MACROD2: variants seen among roughly 807,000 people sequenced by gnomAD.
The protein encoded by MACROD2 is mono-ADP ribosylhydrolase 2, also known as ADP-ribose glycohydrolase MACROD2.
MACROD2 carries 36 observed loss-of-function variants against 70.4 expected under a neutral mutation model. The observed-to-expected ratio is 0.51, with a 90% CI of 0.39 to 0.68. The LOEUF (loss-of-function observed/expected upper bound fraction) is 0.68. Among genes scored for constraint, MACROD2 ranks in the 30% least tolerant of loss-of-function variants. The pLI, the probability that MACROD2 is intolerant of heterozygous loss-of-function variation, is 0.00. For synonymous variants in MACROD2, 172 were observed against 178.8 expected (o/e 0.96, Z 0.30); for missense variants, 496 against 538.4 (o/e 0.92, Z 0.78).
intron 2 of MACROD2, among the ~76,000 whole-genome samples, chr20:14,032,387 C>A (rs1236038071): frequency 6.6e-6 from 1 of 152,094 alleles, no homozygotes; most frequent in African/African-American, 2.4e-5. Flanking sequence ...AATGACCCTT[C>A]AAAATGGCCG....
chr20:15,190,744 G>T (rs1018596264), intron 5 of MACROD2, among the ~76,000 whole-genome samples: 6 of 152,144 alleles, frequency 3.9e-5, no homozygotes, highest in African/African-American at 1.4e-4. Flanking sequence ...TGCACAGGAG[G>T]CCTTAGAGTG....
At chr20:15,011,225 G>T (rs181275133) in intron 5 of MACROD2, among the ~76,000 whole-genome samples, 47 of 152,222 alleles carry the variant, frequency 3.1e-4, no homozygotes, top group Non-Finnish European at 5.7e-4. Flanking sequence ...GTCACTTAGG[G>T]TCAGTAGTTT....
intron 8 of MACROD2, among the ~76,000 whole-genome samples, chr20:15,807,539 A>G (rs1162342908): frequency 6.6e-6 from 1 of 152,156 alleles, no homozygotes; most frequent in Admixed American, 6.5e-5. Context: ...GAGCAATGGG[A>G]ATGTGGTGAG....
At position 14,925,035 on chromosome 20, in the gene MACROD2, A is replaced by G. The variant is rs1300899196; in HGVS notation, c.418+240076A>G. Among the ~76,000 whole-genome samples, 3 of 150,662 alleles carry G rather than the reference A, an allele frequency of 2.0e-5. No individual in the cohort carries two copies. In the South Asian group the frequency reaches 6.3e-4, roughly 32 times the overall value. ...GGCACAATTTTTTTTTTTCTTATTC[A>G]CTTCTCCTCATCAGGCAGGTGGTTG... On this transcript the variant is annotated intron_variant, in intron 5 of 17. Coordinates refer to ENST00000684519, the MANE Select transcript of MACROD2 (RefSeq NM_001351661.2).
At chr20:15,170,084 A>C (rs16995401) in intron 5 of MACROD2, among the ~76,000 whole-genome samples, 41,164 of 152,114 alleles carry the variant, frequency 0.27, 6,235 homozygotes, top group African/African-American at 0.41. Flanking sequence ...ATAGAATTGG[A>C]AGTACAGTTA....
intron 5 of MACROD2, among the ~76,000 whole-genome samples, chr20:15,024,933 T>C (rs2075218549): frequency 6.6e-6 from 1 of 152,160 alleles, no homozygotes; most frequent in South Asian, 2.1e-4. Flanking sequence ...GGAGTTCTTA[T>C]TTCCCCCCAC....
chr20:14,965,985 G>T (rs1240227016), intron 5 of MACROD2, among the ~76,000 whole-genome samples: 1 of 152,018 alleles, frequency 6.6e-6, no homozygotes. Context: ...ATGTTTATAT[G>T]AATATTCAAG....
At chr20:14,728,937 T>TA (rs1453038513) in intron 5 of MACROD2, among the ~76,000 whole-genome samples, 4 of 152,166 alleles carry the variant, frequency 2.6e-5, no homozygotes, top group African/African-American at 9.7e-5. Context: ...GAGTAAATTC[T>TA]AAAAAGCTGC....
intron 3 of MACROD2, among the ~76,000 whole-genome samples, chr20:14,440,724 A>G (rs956881108): frequency 1.3e-5 from 2 of 152,148 alleles, no homozygotes; most frequent in African/African-American, 4.8e-5. Context: ...ACCATTGCTG[A>G]ATTTATGGCA....
chr20:14,316,051 A>G (rs1254907316), intron 3 of MACROD2, among the ~76,000 whole-genome samples: 1 of 152,228 alleles, frequency 6.6e-6, no homozygotes, highest in Non-Finnish European at 1.5e-5. Context: ...TCTCAACTTC[A>G]GCGCAAAGCT....
intron 3 of MACROD2, among the ~76,000 whole-genome samples, chr20:14,167,868 C>G (rs537793091): frequency 6.6e-6 from 1 of 152,232 alleles, no homozygotes; most frequent in South Asian, 2.1e-4. Flanking sequence ...TTAGGAGCTG[C>G]TAACTCTGTT....
chr20:15,493,791 G>C (rs1181228807), intron 7 of MACROD2, among the ~76,000 whole-genome samples: 1 of 152,194 alleles, frequency 6.6e-6, no homozygotes, highest in East Asian at 1.9e-4. Flanking sequence ...ATACAGTTTA[G>C]ACATGGGGTA....
At chr20:14,643,210 T>C (rs1221002461) in intron 4 of MACROD2, among the ~76,000 whole-genome samples, 1 of 152,178 alleles carries the variant, frequency 6.6e-6, no homozygotes, top group Admixed American at 6.5e-5. Flanking sequence ...TTTTTCTATA[T>C]GGAAATTCTG....
intron 2 of MACROD2, among the ~76,000 whole-genome samples, chr20:14,071,853 TGA>T (rs1237752737): frequency 6.6e-6 from 1 of 152,002 alleles, no homozygotes; most frequent in African/African-American, 2.4e-5. Context: ...AAGGATTGCT[TGA>T]GGCCAGGAGT....
intron 3 of MACROD2, among the ~76,000 whole-genome samples, chr20:14,141,544 G>A (rs548815937): frequency 5.3e-5 from 8 of 151,886 alleles, no homozygotes; most frequent in Non-Finnish European, 7.4e-5. Context: ...TTAGGAGTTC[G>A]GGACCGGCCT....
chr20:14,956,414 G>T (rs1219337537), intron 5 of MACROD2, among the ~76,000 whole-genome samples: 5 of 152,128 alleles, frequency 3.3e-5, no homozygotes, highest in Admixed American at 6.5e-5. Context: ...TTTAAGGTGA[G>T]ACCATATTAT....
chr20:15,810,619 G>T (rs189462465), intron 8 of MACROD2, among the ~76,000 whole-genome samples: 12 of 152,246 alleles, frequency 7.9e-5, no homozygotes, highest in Non-Finnish European at 1.8e-4. Flanking sequence ...AAAAGAGCCC[G>T]CATTGCCAAG....
chr20:15,447,051 CGTGTGTGTGTGTGTGTGT>C lies in MACROD2; in HGVS notation c.571+15635_571+15652del, dbSNP rs57914856. ...GGCAGTACTGGGACCTAAGAGTGTGCGTGTGTGTGTGTGTGTGTGTGTGTGTGTGTGTGTGTCTGTGTG... is the reference window on the plus strand; with the variant it reads ...GGCAGTACTGGGACCTAAGAGTGTGCGTGTGTGTGTGTGTGTGTCTGTGTG... On this transcript the variant is annotated intron_variant, in intron 7 of 17. Coordinates refer to ENST00000684519, the MANE Select transcript of MACROD2 (RefSeq NM_001351661.2). Among the ~76,000 whole-genome samples the C allele has an allele frequency of 3.4e-5, 5 of 146,656 alleles. 1 individual carries two copies. In the South Asian group the frequency reaches 6.5e-4, roughly 19 times the overall value.
intron 8 of MACROD2, among the ~76,000 whole-genome samples, chr20:15,545,717 AT>A (rs929544309): frequency 6.6e-6 from 1 of 152,072 alleles, no homozygotes; most frequent in South Asian, 2.1e-4. Context: ...TGCATTTCCC[AT>A]TTTTTTAACC....
Sources: allele counts gnomAD v4.1 joint callset (sites outside exome capture counted in the v4.1 genomes callset), GRCh38; gene constraint gnomAD v4.1.1; transcripts MANE v1.5; gene names NCBI Gene and HGNC (gene_info 2026-07-23, HGNC 2026-07-21).